The following CNTN5 variants were observed in gnomAD, a reference collection of about 807,000 sequenced individuals.
CNTN5 encodes contactin-5.
CNTN5 carries 77 observed loss-of-function variants against 129.1 expected under a neutral mutation model. The ratio of observed to expected loss-of-function variants is 0.60; its 90% CI spans 0.50 to 0.72. The LOEUF (loss-of-function observed/expected upper bound fraction) is 0.72, where lower values mean the gene tolerates loss of function less well. CNTN5 is among the 30% of genes least tolerant of loss of function. The pLI is 0.00. For missense variants in CNTN5, 1,478 were observed against 1,328.8 expected (o/e 1.11, Z -1.75); for synonymous variants, 509 against 465.6 (o/e 1.09, Z -1.20).
At chr11:99,657,771 A>T (rs1470269404) in intron 3 of CNTN5, among the ~76,000 whole-genome samples, 1 of 152,112 alleles carries the variant, frequency 6.6e-6, no homozygotes, top group Non-Finnish European at 1.5e-5. Flanking sequence ...GTTATGTCAC[A>T]TTTGACACAT....
chr11:99,792,879 T>C (rs1405475246), intron 3 of CNTN5, among the ~76,000 whole-genome samples: 2 of 152,112 alleles, frequency 1.3e-5, no homozygotes, highest in African/African-American at 2.4e-5. Context: ...CAGGAACTTA[T>C]CTGTTTCTTT....
intron 24 of CNTN5, among the ~76,000 whole-genome samples, chr11:100,351,938 G>A (rs1310213608): frequency 6.6e-6 from 1 of 151,550 alleles, no homozygotes; most frequent in African/African-American, 2.4e-5. Context: ...AGTGAAATGG[G>A]AGATAAATAC....
At chr11:99,678,311 A>G (rs985939405) in intron 3 of CNTN5, among the ~76,000 whole-genome samples, 1 of 151,954 alleles carries the variant, frequency 6.6e-6, no homozygotes, top group African/African-American at 2.4e-5. Flanking sequence ...CTAGGCAAAA[A>G]ATGTTACAAA....
chr11:99,157,481 CAT>C (rs1320977449), intron 1 of CNTN5, among the ~76,000 whole-genome samples: 1 of 151,860 alleles, frequency 6.6e-6, no homozygotes, highest in Non-Finnish European at 1.5e-5. Flanking sequence ...TTGGTATACA[CAT>C]GTGCAGCAGA....
intron 9 of CNTN5, among the ~76,000 whole-genome samples, chr11:100,060,145 G>T (rs1180244959): frequency 6.6e-6 from 1 of 151,646 alleles, no homozygotes; most frequent in African/African-American, 2.4e-5. Flanking sequence ...GGTGCAGGTT[G>T]CAGTGAGCTG....
intron 13 of CNTN5, among the ~76,000 whole-genome samples, chr11:100,082,023 G>A (rs1944385049): frequency 6.6e-6 from 1 of 152,120 alleles, no homozygotes; most frequent in South Asian, 2.1e-4. Context: ...CACACATTAA[G>A]CATGACAGTT....
At chr11:99,124,463 A>G (rs1858517353) in intron 1 of CNTN5, among the ~76,000 whole-genome samples, 1 of 151,962 alleles carries the variant, frequency 6.6e-6, no homozygotes, top group African/African-American at 2.4e-5. Context: ...TAGAATCATA[A>G]CATCTACAAA....
chr11:99,565,233 C>G (rs1361916911), intron 3 of CNTN5, among the ~76,000 whole-genome samples: 1 of 152,102 alleles, frequency 6.6e-6, no homozygotes, highest in African/African-American at 2.4e-5. Flanking sequence ...TTGTTTCTCT[C>G]CTCCCAAGGG....
At chr11:99,321,211 C>G (rs896056318) in intron 1 of CNTN5, among the ~76,000 whole-genome samples, 2 of 151,616 alleles carry the variant, frequency 1.3e-5, no homozygotes, top group Non-Finnish European at 1.5e-5. Context: ...CATACACACA[C>G]ACACACACAC....
At chr11:99,469,746 T>A (rs1419167992) in intron 2 of CNTN5, among the ~76,000 whole-genome samples, 1 of 151,954 alleles carries the variant, frequency 6.6e-6, no homozygotes, top group Non-Finnish European at 1.5e-5. Context: ...ATTTTTAAAT[T>A]TTTTTTTGGC....
chr11:99,534,101 C>A (rs1947813257), intron 2 of CNTN5, among the ~76,000 whole-genome samples: 1 of 152,142 alleles, frequency 6.6e-6, no homozygotes, highest in South Asian at 2.1e-4. Context: ...TGGCTGACTG[C>A]CACACGGCTC....
chr11:99,764,283 G>T (rs1358419032), intron 3 of CNTN5, among the ~76,000 whole-genome samples: 1 of 151,686 alleles, frequency 6.6e-6, no homozygotes, highest in Non-Finnish European at 1.5e-5. Flanking sequence ...AGACTGAGGT[G>T]CTCCTGGAAG....
At chr11:99,768,802 A>G (rs1305951602) in intron 3 of CNTN5, among the ~76,000 whole-genome samples, 4 of 152,114 alleles carry the variant, frequency 2.6e-5, no homozygotes, top group Non-Finnish European at 5.9e-5. Context: ...TATTCTAGTG[A>G]TATATTTAAA....
chr11:99,714,394 G>A (rs1955131075), intron 3 of CNTN5, among the ~76,000 whole-genome samples: 1 of 151,816 alleles, frequency 6.6e-6, no homozygotes, highest in South Asian at 2.1e-4. Flanking sequence ...AACTTGTATA[G>A]CATTTAGAAT....
chr11:100,006,436 A>G (rs1940194134), intron 9 of CNTN5, among the ~76,000 whole-genome samples: 1 of 152,162 alleles, frequency 6.6e-6, no homozygotes, highest in Non-Finnish European at 1.5e-5. Flanking sequence ...CACTTTGTCA[A>G]CCAAGTAGAT....
chr11:99,939,214 C>G (rs1281520698), intron 7 of CNTN5, among the ~76,000 whole-genome samples: 1 of 152,028 alleles, frequency 6.6e-6, no homozygotes, highest in Admixed American at 6.6e-5. Flanking sequence ...TAGTTCAGAT[C>G]ACAAGTACCT....
chr11:99,994,551 T>A (rs193285092), intron 8 of CNTN5, among the ~76,000 whole-genome samples: 1 of 152,260 alleles, frequency 6.6e-6, no homozygotes, highest in East Asian at 1.9e-4. Flanking sequence ...ACTGAGTAAA[T>A]GCCAGCACTC....
intron 1 of CNTN5, among the ~76,000 whole-genome samples, chr11:99,199,179 A>G (rs992686055): frequency 6.6e-6 from 1 of 152,116 alleles, no homozygotes; most frequent in South Asian, 2.1e-4. Context: ...TGGGCAGAAA[A>G]GATTACATCA....
chr11:99,184,282 T>C (rs566603603), intron 1 of CNTN5, among the ~76,000 whole-genome samples: 1 of 152,240 alleles, frequency 6.6e-6, no homozygotes, highest in African/African-American at 2.4e-5. Context: ...CATTATACTA[T>C]GTCTCTACTT....
Sources: gnomAD v4.1 joint callset for allele counts (sites outside exome capture counted in the v4.1 genomes callset) on GRCh38, gnomAD v4.1.1 for gene constraint, MANE v1.5 for transcripts, NCBI Gene and HGNC (gene_info 2026-07-23, HGNC 2026-07-21) for gene names.